Variants in SACS observed in about 807,000 individuals in gnomAD.
SACS encodes sacsin molecular chaperone, also known as sacsin.
In SACS, 197 loss-of-function variants were observed where a neutral mutation model predicts 348.0. The ratio of observed to expected loss-of-function variants is 0.57; its 90% confidence interval spans 0.50 to 0.64. The LOEUF (loss-of-function observed/expected upper bound fraction) is 0.64. Among genes scored for constraint, SACS ranks in the 30% least tolerant of loss-of-function variants. The pLI, the probability that SACS is intolerant of heterozygous loss-of-function variation, is 0.00. For missense variants in SACS, 4,999 were observed against 5,360.8 expected (o/e 0.93, Z 2.11); for synonymous variants, 1,985 against 1,910.6 (o/e 1.04, Z -1.02).
chr13:23,363,220 TTTAC>T (rs1870850338), intron 6 of SACS, among the ~76,000 whole-genome samples: 1 of 149,480 alleles, frequency 6.7e-6, no homozygotes, highest in African/African-American at 2.5e-5. Flanking sequence ...ACATTTATTT[TTTAC>T]TTACTTATAT....
At chr13:23,365,073 T>C in intron 6 of SACS, 93 bp downstream of exon 6, 1 of 854,466 alleles carries the variant, frequency 1.2e-6, no homozygotes. Flanking sequence ...AAAGTACAAA[T>C]GATAGACTGT....
Position 23,332,496 on chromosome 13 carries a change from C to G in SACS, c.11380G>C (p.Val3794Leu), listed in dbSNP as rs753844954. Residue 3794 changes from valine (V) to leucine (L), a missense_variant, in exon 10 of 10, where the codon GTT becomes CTT. Physicochemically the swap from Val to Leu is conservative, Grantham distance 32. Around this residue, in one of 6 missense-constraint regions of SACS, gnomAD observed 831 missense variants for 941.8 expected, o/e 0.88. Coordinates refer to ENST00000382292, the MANE Select transcript of SACS (RefSeq NM_014363.6). ...KREFRFQLRG[V>L]AFVMVEDGWK... ...CCATCTTCTACCATCACAAAAGCAA[C>G]CCCTCGCAACTGAAAACGAAATTCC... The G allele has an allele frequency of 5.6e-6, 9 of 1,613,978 alleles. No homozygotes were observed. The highest frequency in any genetic ancestry group is 7.6e-6 in the Non-Finnish European group (9 of 1,179,892).
chr13:23,387,558 A>C (rs1242468123), intron 2 of SACS, among the ~76,000 whole-genome samples: 1 of 151,742 alleles, frequency 6.6e-6, no homozygotes, highest in Non-Finnish European at 1.5e-5. Context: ...AAGCTGGAAG[A>C]CCCTGTAGAG....
chr13:23,410,795 G>A (rs976958092), intron 2 of SACS, among the ~76,000 whole-genome samples: 8 of 152,046 alleles, frequency 5.3e-5, no homozygotes, highest in African/African-American at 1.9e-4. Context: ...AATTTATAAA[G>A]GGAAAAGTGG....
Position 23,337,879 on chromosome 13 carries a change from A to G in SACS, c.5997T>C (p.Leu1999=). 6.2e-7 allele frequency: 1 copy of G among 1,613,888 alleles called. No homozygotes were observed. Among genetic ancestry groups the G allele is most frequent in the African/African-American group, 1.3e-5 (1 of 75,036 alleles). The change falls in exon 10 of 10, where the codon CTT becomes CTC. Residue 1999 remains leucine, a synonymous_variant. Coordinates refer to ENST00000382292, the MANE Select transcript of SACS (RefSeq NM_014363.6). ...CTGCTGAACCAACATCTCTTCTTTT[A>G]AGTATAGAGTCATCTAGAAATCTTA... ...KNVRFLDDSI[L]KRRDVGSAAF... is the part of the protein sequence containing the mutation.
chr13:23,340,214 A>C lies in SACS; in HGVS notation c.3662T>G (p.Leu1221Arg), dbSNP rs556393948. ...KALGIFTKPS[L>R]SAVLKHFKIV... ...TTTAAAGTGTTTTAAGACAGCACTAAGGCTAGGTTTTGTGAAGATCCCTAA... is the reference window on the plus strand; with the variant it reads ...TTTAAAGTGTTTTAAGACAGCACTACGGCTAGGTTTTGTGAAGATCCCTAA... Residue 1221 changes from leucine to arginine, a missense_variant, in exon 10 of 10, where the codon CTT becomes CGT. By Grantham distance (102) the Leu-to-Arg change is moderately radical. Coordinates refer to ENST00000382292, the MANE Select transcript of SACS (RefSeq NM_014363.6). 1 of 1,610,992 alleles carries C rather than the reference A, an allele frequency of 6.2e-7. No homozygotes were observed. The highest frequency in any genetic ancestry group is 8.5e-7 in the Non-Finnish European group (1 of 1,178,208).
intron 1 of SACS, among the ~76,000 whole-genome samples, chr13:23,422,655 G>T (rs1270372115): frequency 9.0e-6 from 1 of 111,298 alleles, no homozygotes; most frequent in Non-Finnish European, 1.8e-5. Flanking sequence ...TTTGTGATGT[G>T]GTGTTTCTTT....
Position 23,332,568 on chromosome 13 carries a change from C to T in SACS, c.11308G>A (p.Ala3770Thr), listed in dbSNP as rs1883555411. 1.2e-6 allele frequency: 2 copies of T among 1,613,820 alleles called. No homozygotes were observed. Among genetic ancestry groups the T allele is most frequent in the East Asian group, 4.5e-5 (2 of 44,874 alleles). Residue 3770 changes from alanine to threonine, a missense_variant, in exon 10 of 10, where the codon GCA becomes ACA. Physicochemically the swap from Ala to Thr is moderately conservative, Grantham distance 58. Transcript: ENST00000382292. ...TLDEEMVKTR[A>T]KVLRSIYEFL... is the part of the protein sequence containing the mutation. ...TCATATATGCTCCTTAAGACTTTTG[C>T]TCTAGTTTTTACCATTTCTTCATCC...
At chr13:23,343,088 A>C (rs570911555) in intron 9 of SACS, among the ~76,000 whole-genome samples, 1 of 152,318 alleles carries the variant, frequency 6.6e-6, no homozygotes, top group East Asian at 1.9e-4. Flanking sequence ...AGTGCTGTGA[A>C]GGCAGCAGAG....
intron 2 of SACS, among the ~76,000 whole-genome samples, chr13:23,394,780 G>A (rs1363146891): frequency 2.6e-5 from 4 of 152,114 alleles, no homozygotes; most frequent in Admixed American, 6.6e-5. Flanking sequence ...ACCTGAACCC[G>A]GGAGACAGAG....
rs1175403661 is a variant in SACS at position 23,339,413 on chromosome 13, G to C, written c.4463C>G (p.Ala1488Gly). 3 of 1,609,640 alleles carry C rather than the reference G, an allele frequency of 1.9e-6. No individual in the cohort carries two copies. Among genetic ancestry groups the C allele is most frequent in the Non-Finnish European group, 2.5e-6 (3 of 1,178,480 alleles). Residue 1488 changes from alanine (A) to glycine (G), a missense_variant, in exon 10 of 10, where the codon GCA becomes GGA. Around this residue, in one of 6 missense-constraint regions of SACS, gnomAD observed 3,156 missense variants for 3,380.1 expected, o/e 0.93. Coordinates refer to ENST00000382292, the MANE Select transcript of SACS (RefSeq NM_014363.6). Reference protein sequence around the residue: ...FKELLQNADDANATECSFLID... With the variant: ...FKELLQNADDGNATECSFLID... ...CAAGAAACTGCATTCTGTTGCATTT[G>C]CATCATCAGCGTTTTGAAGTAGTTC...
At chr13:23,380,234 C>G (rs1871998364) in intron 2 of SACS, among the ~76,000 whole-genome samples, 1 of 151,996 alleles carries the variant, frequency 6.6e-6, no homozygotes, top group Non-Finnish European at 1.5e-5. Flanking sequence ...AAGGATGATG[C>G]TGACTGGGCA....
chr13:23,415,878 T>C (rs185932541), intron 1 of SACS, among the ~76,000 whole-genome samples: 1 of 152,342 alleles, frequency 6.6e-6, no homozygotes, highest in Non-Finnish European at 1.5e-5. Flanking sequence ...TGCTCTTTGT[T>C]ATTAAAAATG....
At chr13:23,345,896 T>A (rs1869568001) in intron 9 of SACS, among the ~76,000 whole-genome samples, 1 of 152,112 alleles carries the variant, frequency 6.6e-6, no homozygotes, top group African/African-American at 2.4e-5. Context: ...GAGTCAAAAA[T>A]TTTTTATTTA....
chr13:23,386,025 G>A (rs1165276172), intron 2 of SACS, among the ~76,000 whole-genome samples: 2 of 152,140 alleles, frequency 1.3e-5, no homozygotes, highest in Non-Finnish European at 2.9e-5. Flanking sequence ...ATGTGCTGTC[G>A]GCCAGGCTTT....
chr13:23,413,176 C>T (rs1231575340), intron 1 of SACS, among the ~76,000 whole-genome samples: 2 of 152,138 alleles, frequency 1.3e-5, no homozygotes, highest in Non-Finnish European at 2.9e-5. Context: ...TGGGATTTCT[C>T]CACATTGGTC....
At position 23,336,614 on chromosome 13, in the gene SACS, A is replaced by T. The variant is rs1213144547; in HGVS notation, c.7262T>A (p.Phe2421Tyr). The change falls in exon 10 of 10, where the codon TTT becomes TAT. Residue 2421 changes from phenylalanine (F) to tyrosine (Y), a missense_variant. Physicochemically the swap from Phe to Tyr is conservative, Grantham distance 22. Around this residue, in one of 6 missense-constraint regions of SACS, gnomAD observed 3,156 missense variants for 3,380.1 expected, o/e 0.93. Transcript: ENST00000382292. The part of the protein sequence containing the change: ...RGTKQITEEN[F>Y]QLCRRIISEG... ...ACTGATTATTCGTCGGCAAAGCTGA[A>T]AATTCTCTTCTGTTATTTGCTTTGT... 6.8e-6 allele frequency: 11 copies of T among 1,613,748 alleles called. 1 individual carries two copies. The Middle Eastern group carries it at 6.6e-4, about 97-fold the overall frequency.
At chr13:23,404,399 A>G (rs923977970) in intron 2 of SACS, among the ~76,000 whole-genome samples, 10 of 152,316 alleles carry the variant, frequency 6.6e-5, no homozygotes, top group Admixed American at 6.5e-4. Context: ...CTCTCAATAA[A>G]CTAGGTATTC....
chr13:23,382,721 A>G (rs1872109657), intron 2 of SACS, among the ~76,000 whole-genome samples: 1 of 151,930 alleles, frequency 6.6e-6, no homozygotes, highest in African/African-American at 2.4e-5. Context: ...CAAAAATTTG[A>G]AAACCATTTA....
Sources: allele counts gnomAD v4.1 joint callset (sites outside exome capture counted in the v4.1 genomes callset), GRCh38; gene constraint gnomAD v4.1.1; regional missense constraint gnomAD v4.1.1; transcripts MANE v1.5; gene names NCBI Gene and HGNC (gene_info 2026-07-23, HGNC 2026-07-21).